The following POU2F3 variants were observed in gnomAD, a reference collection of about 807,000 sequenced individuals.
POU2F3 encodes POU domain, class 2, transcription factor 3.
A neutral mutation model predicts 59.2 loss-of-function variants in POU2F3; 23 were observed. The observed-to-expected ratio is 0.39, with a 90% CI of 0.28 to 0.55. The LOEUF (loss-of-function observed/expected upper bound fraction) is 0.55, where lower values mean the gene tolerates loss of function less well. POU2F3 is among the 20% of genes least tolerant of loss of function. POU2F3 has a pLI of 0.66. For synonymous variants in POU2F3, 190 were observed against 214.6 expected, an observed-to-expected ratio of 0.89 and a Z score of 1.00; for missense variants, 473 against 544.5, an observed-to-expected ratio of 0.87 and a Z score of 1.31.
chr11:120,300,948 C>A (rs1440478372), intron 5 of POU2F3: 2 of 447,494 alleles, frequency 4.5e-6, no homozygotes, highest in Admixed American at 2.4e-5. Flanking sequence ...ATGAATGAGA[C>A]CCTATTTGAA....
In POU2F3 at chr11:120,318,398, A is replaced by G. The variant is rs376587998; in HGVS notation, c.*6A>G. 1.9e-5 allele frequency: 31 copies of G among 1,595,622 alleles called. No individual in the cohort carries two copies. The African/African-American group carries it at 2.8e-4, about 15-fold the overall frequency. ...ATTCCACCTACCTCCACTGAGACCAAAAAGTTTCTCCTACTCCAGCTGGCC... is the reference window on the plus strand; with the variant it reads ...ATTCCACCTACCTCCACTGAGACCAGAAAGTTTCTCCTACTCCAGCTGGCC... On this transcript the variant is annotated 3_prime_UTR_variant, in exon 13 of 13. Transcript: ENST00000543440.
Position 120,318,382 on chromosome 11 carries a change from A to C in POU2F3, c.1301A>C (p.Tyr434Ser). ...TGGTACCGATGGAATCATTCCACCT[A>C]CCTCCACTGAGACCAAAAAGTTTCT... The part of the protein sequence containing the change: ...GSWYRWNHST[Y>S]LH The change falls in exon 13 of 13, where the codon TAC becomes TCC. Residue 434 changes from tyrosine (Y) to serine (S), a missense_variant. Coordinates refer to ENST00000543440, the MANE Select transcript of POU2F3 (RefSeq NM_014352.4). The C allele has an allele frequency of 3.1e-6, 5 of 1,604,862 alleles. No individual in the cohort carries two copies. The highest frequency in any genetic ancestry group is 4.3e-6 in the Non-Finnish European group (5 of 1,171,856).
intron 3 of POU2F3, among the ~76,000 whole-genome samples, chr11:120,283,772 C>T (rs1299612857): frequency 3.8e-5 from 5 of 130,444 alleles, no homozygotes; most frequent in South Asian, 2.8e-4. Flanking sequence ...TAATAGGCTT[C>T]GTGTGTGTGT....
At chr11:120,280,320 T>G (rs1323478285) in intron 3 of POU2F3, among the ~76,000 whole-genome samples, 1 of 152,188 alleles carries the variant, frequency 6.6e-6, no homozygotes, top group Non-Finnish European at 1.5e-5. Flanking sequence ...ATATTTCCAT[T>G]TTAAAGATGA....
intron 10 of POU2F3, 57 bp downstream of exon 10, chr11:120,309,643 G>A: frequency 6.4e-7 from 1 of 1,571,620 alleles, no homozygotes; most frequent in Non-Finnish European, 8.7e-7. Flanking sequence ...GATGCTTGGA[G>A]GGGAAGGTGG....
intron 10 of POU2F3, among the ~76,000 whole-genome samples, chr11:120,314,336 T>C (rs1436761120): frequency 1.3e-5 from 2 of 152,186 alleles, no homozygotes; most frequent in African/African-American, 4.8e-5. Context: ...CTTCCCCTGT[T>C]AGCATGAGAA....
intron 12 of POU2F3, 77 bp from the exon 13 acceptor site, chr11:120,318,276 T>C: frequency 7.1e-7 from 1 of 1,408,844 alleles, no homozygotes; most frequent in East Asian, 2.3e-5. Context: ...CCCCTGTACC[T>C]GCTAGCAGTC....
At chr11:120,252,904 C>T (rs1270639685) in intron 2 of POU2F3, among the ~76,000 whole-genome samples, 1 of 152,234 alleles carries the variant, frequency 6.6e-6, no homozygotes, top group Middle Eastern at 3.4e-3. Context: ...GGTCACCCCT[C>T]GACCCCAGTT....
chr11:120,248,057 G>T (rs1591372975), intron 2 of POU2F3, among the ~76,000 whole-genome samples: 2 of 152,338 alleles, frequency 1.3e-5, no homozygotes, highest in South Asian at 4.1e-4. Flanking sequence ...TCAAATCCTG[G>T]TGGGGGTTAG....
intron 1 of POU2F3, among the ~76,000 whole-genome samples, chr11:120,242,250 A>G (rs1334557362): frequency 6.6e-6 from 1 of 152,154 alleles, no homozygotes; most frequent in East Asian, 1.9e-4. Flanking sequence ...TTTCTGTCCC[A>G]TCTCTCTAAC....
At chr11:120,242,882 AGAG>A (rs1938723123) in intron 1 of POU2F3, among the ~76,000 whole-genome samples, 1 of 152,196 alleles carries the variant, frequency 6.6e-6, no homozygotes, top group Non-Finnish European at 1.5e-5. Flanking sequence ...AAAAACAGGC[AGAG>A]AAGTAGACCC....
intron 4 of POU2F3, 52 bp downstream of exon 4, chr11:120,298,442 T>C: frequency 6.2e-7 from 1 of 1,601,700 alleles, no homozygotes; most frequent in Non-Finnish European, 8.5e-7. Context: ...AATCCCTCTG[T>C]GAAATGCTCG....
At chr11:120,314,380 C>T (rs1401590557) in intron 10 of POU2F3, among the ~76,000 whole-genome samples, 1 of 152,144 alleles carries the variant, frequency 6.6e-6, no homozygotes, top group Non-Finnish European at 1.5e-5. Flanking sequence ...CAGATTTTAG[C>T]TCAAAAGAAG....
At chr11:120,293,546 G>C (rs1403651253) in intron 3 of POU2F3, among the ~76,000 whole-genome samples, 1 of 152,198 alleles carries the variant, frequency 6.6e-6, no homozygotes, top group East Asian at 1.9e-4. Context: ...GAAATTGAAG[G>C]CAGGTTGGGA....
chr11:120,299,862 T>C, intron 5 of POU2F3, 136 bp downstream of exon 5: 1 of 671,866 alleles, frequency 1.5e-6, no homozygotes, highest in Non-Finnish European at 2.5e-6. Flanking sequence ...GACCTACTTA[T>C]CCACCCCAGG....
At chr11:120,237,333 C>T (rs1389436064), upstream of POU2F3, among the ~76,000 whole-genome samples, 1 of 152,056 alleles carries the variant, frequency 6.6e-6, no homozygotes, top group Non-Finnish European at 1.5e-5. Flanking sequence ...CCCACCCAGC[C>T]CCTTCTGCCC....
chr11:120,279,985 T>C (rs1940496720), intron 3 of POU2F3, among the ~76,000 whole-genome samples: 3 of 152,110 alleles, frequency 2.0e-5, no homozygotes, highest in Middle Eastern at 6.8e-3. Flanking sequence ...TGGAGAACAG[T>C]GAGAATGAAG....
At chr11:120,292,353 A>T (rs901194824) in intron 3 of POU2F3, among the ~76,000 whole-genome samples, 3 of 145,682 alleles carry the variant, frequency 2.1e-5, no homozygotes, top group African/African-American at 8.2e-5. Context: ...ATATGTTAAA[A>T]AACAAAAAAA....
At chr11:120,309,975 GAA>G (rs1941611924) in intron 10 of POU2F3, among the ~76,000 whole-genome samples, 1 of 152,166 alleles carries the variant, frequency 6.6e-6, no homozygotes, top group Admixed American at 6.6e-5. Flanking sequence ...AGTAGGAGAG[GAA>G]GTCAGAGAGG....
Sources: allele counts gnomAD v4.1 joint callset (sites outside exome capture counted in the v4.1 genomes callset), GRCh38; gene constraint gnomAD v4.1.1; transcripts MANE v1.5; gene names NCBI Gene and HGNC (gene_info 2026-07-23, HGNC 2026-07-21).